The following GTF2H2 variants were observed in gnomAD, a reference collection of about 807,000 sequenced individuals.
GTF2H2 encodes the protein TFIIH basal transcription factor complex p44 subunit.
Under a neutral mutation model 16.5 loss-of-function variants are expected in GTF2H2, and 2 were observed. The ratio of observed to expected loss-of-function variants is 0.12; its 90% confidence interval spans 0.05 to 0.38. The LOEUF (loss-of-function observed/expected upper bound fraction) is 0.38. Ranked by LOEUF, GTF2H2 falls within the 10% of genes least tolerant of loss-of-function variation. GTF2H2 has a pLI of 0.99. For synonymous variants in GTF2H2, 8 were observed against 44.1 expected (o/e 0.18, Z 3.24); for missense variants, 20 against 137.0 (o/e 0.15, Z 4.26).
intron 7 of GTF2H2, among the ~76,000 whole-genome samples, chr5:71,056,261 AG>A (rs1279345337): frequency 6.0e-5 from 7 of 117,214 alleles, no homozygotes; most frequent in Non-Finnish European, 9.0e-5. Flanking sequence ...TTAATACAAA[AG>A]GCTATATTTT....
intron 8 of GTF2H2, among the ~76,000 whole-genome samples, chr5:71,052,508 A>C (rs1752828805): frequency 1.9e-5 from 1 of 53,630 alleles, no homozygotes; most frequent in Non-Finnish European, 3.6e-5. Flanking sequence ...TCTTTCATTA[A>C]CCTCATGAGC....
At position 71,061,380 on chromosome 5, in the gene GTF2H2, C is replaced by T. The variant is rs1414239394; in HGVS notation, c.135-72G>A. The T allele has an allele frequency of 4.7e-6, 6 of 1,266,518 alleles. No individual in the cohort carries two copies. In the East Asian group the frequency reaches 1.4e-4, roughly 30 times the overall value. The allele number at this position is 1,266,518 out of a possible 1,614,324, so 78.5% of individuals were successfully genotyped here. A position where few individuals can be genotyped will look rare whatever the true frequency, so the allele number is the denominator to read the frequency against. ...CCCCCCACAAAAAAAATACAACTTT[C>T]CAATTGACCTCCTTTGTTTTTCTTT... On this transcript the variant is annotated intron_variant, in intron 3 of 15. Transcript: ENST00000274400.
intron 7 of GTF2H2, chr5:71,058,157 C>G (rs1753402850): frequency 7.1e-6 from 1 of 140,028 alleles, no homozygotes; most frequent in Non-Finnish European, 1.6e-5. Flanking sequence ...TTGCAGTGAG[C>G]CAAGACAGCA....
chr5:71,044,851 CTG>C (rs1386318300), intron 12 of GTF2H2, among the ~76,000 whole-genome samples: 1 of 58,526 alleles, frequency 1.7e-5, no homozygotes, highest in East Asian at 5.6e-4. Flanking sequence ...TGTACCTTTT[CTG>C]TGTTTAGTTA....
At position 71,054,716 on chromosome 5, in the gene GTF2H2, T is replaced by C. The variant is rs1285436083; in HGVS notation, c.470+636A>G. ...TCGAAAAAAAATATATATATACGTG[T>C]GTGTGTGTGTGTGTGTGTGTGTGTG... On this transcript the variant is annotated intron_variant, in intron 8 of 15. Coordinates refer to ENST00000274400, the Ensembl canonical transcript of GTF2H2. Among the ~76,000 whole-genome samples the C allele has an allele frequency of 8.8e-3, 1,094 of 124,340 alleles. 70 individuals are homozygous for C. The highest frequency in any genetic ancestry group is 0.015 in the Middle Eastern group (4 of 266). 81.6% of individuals were successfully genotyped at this position (124,340 alleles called of 152,430 possible).
chr5:71,058,456 CCAAT>C (rs1486704271), intron 7 of GTF2H2: 4 of 140,124 alleles, frequency 2.9e-5, no homozygotes, highest in African/African-American at 8.2e-5. Flanking sequence ...GTAACTCAGG[CCAAT>C]CAGAGTTCTC....
rs1461941793 is a variant in GTF2H2 at position 71,058,702 on chromosome 5, T to G, written c.364+988A>C. On this transcript the variant is annotated intron_variant, in intron 7 of 15. Transcript: ENST00000274400. ...TTTTGGTTACTCACAACTGAGTTTC[T>G]TGAATCACTCCAGGCCAATGTACAT... 4.6e-5 allele frequency: 3 copies of G among 65,124 alleles called. No homozygotes were observed. In the Admixed American group the frequency reaches 5.5e-4, roughly 12 times the overall value. The allele number at this position is 65,124 out of a possible 1,614,324, so 4.0% of individuals were successfully genotyped here.
At chr5:71,061,067 A>G in intron 4 of GTF2H2, 137 bp from the exon 5 acceptor site, 1 of 70,982 alleles carries the variant, frequency 1.4e-5, no homozygotes, top group Non-Finnish European at 2.5e-5. Context: ...AAGTGCTGGG[A>G]TTATAGGCAT....
At chr5:71,054,712 C>CGCGTGTGT (rs1554087921) in intron 8 of GTF2H2, among the ~76,000 whole-genome samples, 1 of 105,272 alleles carries the variant, frequency 9.5e-6, no homozygotes, top group Non-Finnish European at 1.9e-5. Flanking sequence ...TATATATATA[C>CGCGTGTGT]GTGTGTGTGT....
intron 8 of GTF2H2, among the ~76,000 whole-genome samples, chr5:71,054,319 C>A (rs1449643001): frequency 6.9e-6 from 1 of 145,952 alleles, no homozygotes; most frequent in Non-Finnish European, 1.5e-5. Context: ...ACTGGTAGAC[C>A]CTGCTACTGT....
rs1201631525 is a variant in GTF2H2 at position 71,054,099 on chromosome 5, A to G, written c.470+1253T>C. Reference sequence around the variant, plus strand: ...AAACTGCAGATAAGGGGGGATTACTATAATTTAACCTCACAGTAATTCAGA... The same window carrying G: ...AAACTGCAGATAAGGGGGGATTACTGTAATTTAACCTCACAGTAATTCAGA... On this transcript the variant is annotated intron_variant, in intron 8 of 15. Coordinates refer to ENST00000274400, the Ensembl canonical transcript of GTF2H2. Among the ~76,000 whole-genome samples, 2 of 141,958 alleles carry G rather than the reference A, an allele frequency of 1.4e-5. 1 individual carries two copies. The highest frequency in any genetic ancestry group is 3.1e-5 in the Non-Finnish European group (2 of 65,448). 93.1% of individuals were successfully genotyped at this position (141,958 alleles called of 152,430 possible). A position where few individuals can be genotyped will look rare whatever the true frequency, so the allele number is the denominator to read the frequency against.
chr5:71,045,756 CTTT>C (rs1290412816), intron 11 of GTF2H2, among the ~76,000 whole-genome samples: 2 of 69,678 alleles, frequency 2.9e-5, no homozygotes, highest in Non-Finnish European at 5.0e-5. Flanking sequence ...ATATATTTTT[CTTT>C]TTTTTTTTTC....
intron 8 of GTF2H2, among the ~76,000 whole-genome samples, chr5:71,052,732 G>C: frequency 2.2e-5 from 1 of 46,122 alleles, no homozygotes; most frequent in African/African-American, 1.0e-4. Flanking sequence ...CACTGAAGCA[G>C]CACTTTGAAT....
rs534078823 is a variant in GTF2H2 at position 71,061,358 on chromosome 5, C to A, written c.135-50G>T. 150 of 1,411,092 alleles carry A rather than the reference C, an allele frequency of 1.1e-4. 5 individuals carry two copies. In the South Asian group the frequency reaches 1.1e-3, roughly 10 times the overall value. 87.4% of individuals were successfully genotyped at this position (1,411,092 alleles called of 1,614,324 possible). A position where few individuals can be genotyped will look rare whatever the true frequency, so the allele number is the denominator to read the frequency against. On this transcript the variant is annotated intron_variant, in intron 3 of 15. Coordinates refer to ENST00000274400, the Ensembl canonical transcript of GTF2H2. ...AATGTAATTCCATATACTATCCCCC[C>A]CCACAAAAAAAATACAACTTTCCAA...
chr5:71,055,265 G>A (rs1468078151), intron 8 of GTF2H2, 87 bp downstream of exon 8: 1 of 1,327,042 alleles, frequency 7.5e-7, no homozygotes, highest in African/African-American at 1.7e-5. Context: ...TTATAGCTGG[G>A]TTTATGGGCC....
chr5:71,039,526 T>C (rs899634132), intron 14 of GTF2H2, among the ~76,000 whole-genome samples: 1 of 140,494 alleles, frequency 7.1e-6, no homozygotes, highest in Non-Finnish European at 1.5e-5. Context: ...TTCTTTGAAC[T>C]ATGTCTTTGA....
chr5:71,052,129 T>C (rs546884593), intron 8 of GTF2H2, among the ~76,000 whole-genome samples: 1 of 142,516 alleles, frequency 7.0e-6, no homozygotes, highest in African/African-American at 2.7e-5. Context: ...GATAACTTGC[T>C]GCAGCTTCTA....
chr5:71,061,269 T>C lies in GTF2H2; in HGVS notation c.171+3A>G, dbSNP rs1197601115. The C allele has an allele frequency of 4.3e-6, 6 of 1,387,098 alleles. No individual in the cohort carries two copies. In the Admixed American group the frequency reaches 1.1e-4, roughly 25 times the overall value. 85.9% of individuals were successfully genotyped at this position (1,387,098 alleles called of 1,614,324 possible). A position where few individuals can be genotyped will look rare whatever the true frequency, so the allele number is the denominator to read the frequency against. On this transcript the variant is annotated splice_donor_region_variant and intron_variant, in intron 4 of 15. Coordinates refer to ENST00000274400, the Ensembl canonical transcript of GTF2H2. ...ACTAGTAAAAGAAAAAATAATGACA[T>C]ACCATTCCAAGTCGAACTTGTCCAT...
chr5:71,054,686 C>T (rs1671294854), intron 8 of GTF2H2, among the ~76,000 whole-genome samples: 2 of 136,516 alleles, frequency 1.5e-5, no homozygotes, highest in Admixed American at 1.5e-4. Context: ...GAGCAAGACT[C>T]TGTCTCGAAA....
Sources: gnomAD v4.1 joint callset for allele counts (sites outside exome capture counted in the v4.1 genomes callset) on GRCh38, gnomAD v4.1.1 for gene constraint, MANE v1.5 for transcripts, NCBI Gene and HGNC (gene_info 2026-07-23, HGNC 2026-07-21) for gene names.